PLXNC1: variants seen among roughly 807,000 people sequenced by gnomAD.
The protein encoded by PLXNC1 is plexin-C1.
Under a neutral mutation model 178.2 loss-of-function variants are expected in PLXNC1, and 75 were observed. The ratio of observed to expected loss-of-function variants is 0.42; its 90% CI spans 0.35 to 0.51. The LOEUF (loss-of-function observed/expected upper bound fraction) is 0.51. Among genes scored for constraint, PLXNC1 ranks in the 20% least tolerant of loss-of-function variants. The pLI is 0.02. For missense variants in PLXNC1, 1,503 were observed against 1,984.4 expected, an observed-to-expected ratio of 0.76 and a Z score of 4.61; for synonymous variants, 790 against 779.9, an observed-to-expected ratio of 1.01 and a Z score of -0.22.
rs374369361 is a variant in PLXNC1, at chr12:94,249,975, C to T, written c.2779-1451C>T. ...AACAGGAGCAGGTAGGGGGGCCATG[C>T]TGCAGGTTTTGCAACGGTGGGCAGA... is the stretch of plus-strand genomic sequence containing the variant. On this transcript the variant is annotated intron_variant, in intron 14 of 30. Transcript: ENST00000258526. 2.3e-4 allele frequency among the ~76,000 whole-genome samples: 35 copies of T among 150,414 alleles called. No individual in the cohort carries two copies. In the South Asian group the frequency reaches 7.5e-3, roughly 32 times the overall value.
At chr12:94,224,776 A>T (rs1054276362) in intron 7 of PLXNC1, among the ~76,000 whole-genome samples, 5 of 152,106 alleles carry the variant, frequency 3.3e-5, no homozygotes, top group African/African-American at 1.2e-4. Flanking sequence ...GCATGGTGGT[A>T]TGTGCCTGTA....
intron 23 of PLXNC1, among the ~76,000 whole-genome samples, chr12:94,291,499 G>A (rs1028768370): frequency 6.6e-6 from 1 of 152,146 alleles, no homozygotes; most frequent in Non-Finnish European, 1.5e-5. Context: ...CCAAAGAGCT[G>A]GGATTACAGT....
chr12:94,197,014 C>T (rs1024536510), intron 4 of PLXNC1, among the ~76,000 whole-genome samples: 28 of 152,194 alleles, frequency 1.8e-4, no homozygotes, highest in African/African-American at 4.8e-5. Context: ...ATTGACAGGG[C>T]TGTGCTCCTT....
Position 94,149,905 on chromosome 12 carries a change from G to A in PLXNC1, c.934G>A (p.Ala312Thr). ...GGACGTCTGGGCGGGAGTGTTCAGC[G>A]CGGCCGCTGGAGAGGGCCAGGAGCG... ...ALDVWAGVFS[A>T]AAGEGQERRS... Residue 312 changes from alanine (A) to threonine (T), a missense_variant, in exon 1 of 31, where the codon GCG becomes ACG. This residue lies in a region of PLXNC1 where 615 missense variants were observed against 698.6 expected (regional missense o/e 0.88). Coordinates refer to ENST00000258526, the MANE Select transcript of PLXNC1 (RefSeq NM_005761.3). 5 of 1,588,900 alleles carry A rather than the reference G, an allele frequency of 3.1e-6. No homozygotes were observed. The South Asian group carries it at 5.7e-5, about 18-fold the overall frequency.
chr12:94,237,450 A>G (rs1964271797), intron 9 of PLXNC1, among the ~76,000 whole-genome samples: 2 of 152,200 alleles, frequency 1.3e-5, no homozygotes, highest in South Asian at 4.1e-4. Context: ...ACAAAGACTA[A>G]TTGGTTTGAC....
At chr12:94,267,969 AC>A (rs1484703929) in intron 21 of PLXNC1, among the ~76,000 whole-genome samples, 2 of 152,060 alleles carry the variant, frequency 1.3e-5, no homozygotes, top group East Asian at 3.9e-4. Context: ...CGGTGAACAA[AC>A]TGATTCTGTG....
At position 94,247,894 on chromosome 12, in the gene PLXNC1, T is replaced by G. The variant is rs1438663621; in HGVS notation, c.2389-9T>G. 1.2e-6 allele frequency: 2 copies of G among 1,612,582 alleles called. No homozygotes were observed. The highest frequency in any genetic ancestry group is 2.7e-5 in the African/African-American group (2 of 74,820). On this transcript the variant is annotated splice_polypyrimidine_tract_variant and intron_variant, in intron 12 of 30. Coordinates refer to ENST00000258526, the MANE Select transcript of PLXNC1 (RefSeq NM_005761.3). ...AAAGTTACTAAAACATTCTTTTCTT[T>G]TTGTCCAGGTCTCTGAATATTGTGT... is the stretch of plus-strand genomic sequence containing the variant.
chr12:94,276,556 C>A (rs1179659887), intron 21 of PLXNC1, among the ~76,000 whole-genome samples: 1 of 152,234 alleles, frequency 6.6e-6, no homozygotes, highest in Non-Finnish European at 1.5e-5. Context: ...TTAGGCAAAT[C>A]TGGCTTCAAT....
chr12:94,194,623 G>A (rs987143148), intron 4 of PLXNC1, among the ~76,000 whole-genome samples: 9 of 152,120 alleles, frequency 5.9e-5, no homozygotes, highest in African/African-American at 1.9e-4. Flanking sequence ...GTGTGGTGGC[G>A]CATGCCTGTG....
intron 19 of PLXNC1, 59 bp downstream of exon 19, chr12:94,259,793 G>A (rs1291941808): frequency 6.7e-7 from 1 of 1,483,842 alleles, no homozygotes; most frequent in South Asian, 1.3e-5. Flanking sequence ...GCCGGGCATG[G>A]TGGCTCATGG....
At chr12:94,211,409 A>T (rs1477844232) in intron 5 of PLXNC1, among the ~76,000 whole-genome samples, 1 of 152,228 alleles carries the variant, frequency 6.6e-6, no homozygotes, top group African/African-American at 2.4e-5. Context: ...TGATCACATT[A>T]TTTCAAAATA....
chr12:94,226,537 G>A, intron 7 of PLXNC1, 68 bp from the exon 8 acceptor site: 1 of 1,045,806 alleles, frequency 9.6e-7, no homozygotes, highest in Non-Finnish European at 1.5e-6. Context: ...CCACATCACA[G>A]AGGGAAATTC....
chr12:94,209,874 C>T (rs1476936816), intron 5 of PLXNC1, among the ~76,000 whole-genome samples, 170 bp downstream of exon 5: 1 of 152,098 alleles, frequency 6.6e-6, no homozygotes, highest in African/African-American at 2.4e-5. Flanking sequence ...AGATGCCATC[C>T]ACTCTGCAAG....
intron 2 of PLXNC1, among the ~76,000 whole-genome samples, chr12:94,175,039 T>C (rs1312682770): frequency 6.6e-6 from 1 of 152,260 alleles, no homozygotes; most frequent in Non-Finnish European, 1.5e-5. Context: ...ATTTCATCTT[T>C]GTTACTCCTA....
chr12:94,276,023 A>G (rs1036595561), intron 21 of PLXNC1, among the ~76,000 whole-genome samples: 18 of 152,206 alleles, frequency 1.2e-4, no homozygotes, highest in Non-Finnish European at 4.4e-5. Context: ...CTGTGGAGGC[A>G]GTGGCAGATT....
chr12:94,228,682 A>G (rs1415218618), intron 9 of PLXNC1, among the ~76,000 whole-genome samples: 1 of 152,118 alleles, frequency 6.6e-6, no homozygotes, highest in Non-Finnish European at 1.5e-5. Flanking sequence ...GGCGTCTTTC[A>G]CTTAGCATGA....
chr12:94,196,492 C>T (rs1393024743), intron 4 of PLXNC1, among the ~76,000 whole-genome samples: 3 of 152,198 alleles, frequency 2.0e-5, no homozygotes, highest in African/African-American at 7.2e-5. Context: ...CAGGAGCAGA[C>T]ACTACCCATG....
intron 2 of PLXNC1, among the ~76,000 whole-genome samples, chr12:94,171,789 A>G (rs556163492): frequency 3.9e-5 from 6 of 152,214 alleles, no homozygotes; most frequent in African/African-American, 1.4e-4. Flanking sequence ...CTGAGGAAAT[A>G]CCTCACTGGC....
At chr12:94,226,346 T>C (rs937678240) in intron 7 of PLXNC1, 1 of 366,906 alleles carries the variant, frequency 2.7e-6, no homozygotes, top group African/African-American at 2.1e-5. Flanking sequence ...AACAGATTCA[T>C]TGGGTTCCTA....
Sources: allele counts gnomAD v4.1 joint callset (sites outside exome capture counted in the v4.1 genomes callset), GRCh38; gene constraint gnomAD v4.1.1; regional missense constraint gnomAD v4.1.1; transcripts MANE v1.5; gene names NCBI Gene and HGNC (gene_info 2026-07-23, HGNC 2026-07-21).